LRBA: variants seen among roughly 807,000 people sequenced by gnomAD.
The protein encoded by LRBA is LPS responsive beige-like anchor protein.
LRBA carries 176 observed loss-of-function variants against 330.0 expected under a neutral mutation model. The ratio of observed to expected loss-of-function variants is 0.53; its 90% CI spans 0.47 to 0.60. The LOEUF (loss-of-function observed/expected upper bound fraction) is 0.60, where lower values mean the gene tolerates loss of function less well. LRBA is among the 20% of genes least tolerant of loss of function. LRBA has a pLI of 0.00. For synonymous variants in LRBA, 1,230 were observed against 1,193.0 expected (o/e 1.03, Z -0.64); for missense variants, 3,259 against 3,444.8 (o/e 0.95, Z 1.35).
chr4:150,872,600 G>T (rs1278410475), intron 18 of LRBA, 63 bp downstream of exon 18: 14 of 1,119,742 alleles, frequency 1.3e-5, no homozygotes, highest in African/African-American at 1.6e-5. Context: ...AATTACTACT[G>T]CAAAGATTTA....
At chr4:150,730,420 T>A (rs889240773) in intron 36 of LRBA, among the ~76,000 whole-genome samples, 3 of 152,114 alleles carry the variant, frequency 2.0e-5, no homozygotes, top group African/African-American at 7.2e-5. Context: ...CAGTGGCTCA[T>A]GTCTGTAATG....
At chr4:150,502,591 T>C (rs147860443) in intron 40 of LRBA, among the ~76,000 whole-genome samples, 1,578 of 152,196 alleles carry the variant, frequency 0.01, 22 homozygotes, top group African/African-American at 0.036. Flanking sequence ...GATGGCCAAA[T>C]AGGAACAGCT....
At chr4:150,676,817 T>C (rs1265833241) in intron 37 of LRBA, among the ~76,000 whole-genome samples, 2 of 152,118 alleles carry the variant, frequency 1.3e-5, no homozygotes, top group Non-Finnish European at 2.9e-5. Context: ...AACTACAACT[T>C]CTAGTTATCT....
At chr4:150,290,339 T>G (rs1336210425) in intron 53 of LRBA, among the ~76,000 whole-genome samples, 1 of 152,140 alleles carries the variant, frequency 6.6e-6, no homozygotes, top group Non-Finnish European at 1.5e-5. Flanking sequence ...CTGAAAAATA[T>G]CAAGTTAATT....
intron 37 of LRBA, among the ~76,000 whole-genome samples, chr4:150,636,574 G>C (rs545734127): frequency 1.3e-5 from 2 of 152,278 alleles, no homozygotes; most frequent in East Asian, 3.9e-4. Flanking sequence ...CAAGGCTTTA[G>C]GTGCATTCAT....
At chr4:150,976,638 C>T (rs1740211317) in intron 2 of LRBA, among the ~76,000 whole-genome samples, 1 of 152,098 alleles carries the variant, frequency 6.6e-6, no homozygotes, top group African/African-American at 2.4e-5. Context: ...ACAGAAACAA[C>T]AAATTTAACA....
At chr4:150,669,578 C>CT (rs567640392) in intron 37 of LRBA, among the ~76,000 whole-genome samples, 73 of 146,420 alleles carry the variant, frequency 5.0e-4, no homozygotes, top group Admixed American at 6.2e-4. Context: ...AATATTTTCT[C>CT]TTTTTTTTTT....
At chr4:150,345,966 C>A (rs1561044888) in intron 48 of LRBA, among the ~76,000 whole-genome samples, 2 of 152,064 alleles carry the variant, frequency 1.3e-5, no homozygotes, top group Non-Finnish European at 2.9e-5. Flanking sequence ...CACCACCACA[C>A]CCAAACAATT....
intron 53 of LRBA, among the ~76,000 whole-genome samples, chr4:150,292,440 A>G (rs1728438254): frequency 2.6e-5 from 4 of 152,254 alleles, no homozygotes. Flanking sequence ...TGTTGTTATT[A>G]GCAGAGTGAA....
At position 150,761,851 on chromosome 4, in the gene LRBA, T is replaced by TAAA; in HGVS notation, c.5581-7_5581-5dup. On this transcript the variant is annotated splice_region_variant and splice_polypyrimidine_tract_variant and intron_variant, in intron 34 of 56. Transcript: ENST00000651943. ...TCTGAATAGAATTTTGCCACTCCTA[T>TAAA]AAAAAAAAAAGCAAAAATAGCTGAA... 2.3e-6 allele frequency: 3 copies of TAAA among 1,305,866 alleles called. No homozygotes were observed. Among genetic ancestry groups the TAAA allele is most frequent in the Non-Finnish European group, 3.1e-6 (3 of 978,412 alleles). 80.9% of individuals were successfully genotyped at this position (1,305,866 alleles called of 1,614,324 possible). A position where few individuals can be genotyped will look rare whatever the true frequency, so the allele number is the denominator to read the frequency against.
Position 150,493,954 on chromosome 4 carries a change from T to C in LRBA, c.6331-2919A>G, listed in dbSNP as rs1581481342. 2.0e-5 allele frequency among the ~76,000 whole-genome samples: 3 copies of C among 152,170 alleles called. No individual in the cohort carries two copies. The South Asian group carries it at 6.2e-4, about 32-fold the overall frequency. On this transcript the variant is annotated intron_variant, in intron 40 of 56. Transcript: ENST00000651943. ...AAATAATTAGTTGGGCGTGGTAGCA[T>C]GCACCTATAGCCCTAGCTACTCATG...
chr4:150,805,298 G>C (rs1490612958), intron 33 of LRBA, among the ~76,000 whole-genome samples: 1 of 97,878 alleles, frequency 1.0e-5, no homozygotes, highest in East Asian at 2.7e-4. Flanking sequence ...GGAAAGGAAA[G>C]GAAAGGAAAG....
chr4:150,502,774 G>A (rs1055783565), intron 40 of LRBA, among the ~76,000 whole-genome samples: 10 of 152,342 alleles, frequency 6.6e-5, no homozygotes, highest in Middle Eastern at 3.4e-3. Flanking sequence ...CCCGAGAAGC[G>A]CAAGGGGTCA....
chr4:150,640,415 G>C (rs1246639432), intron 37 of LRBA, among the ~76,000 whole-genome samples: 1 of 151,918 alleles, frequency 6.6e-6, no homozygotes, highest in Non-Finnish European at 1.5e-5. Flanking sequence ...TCGTACTTAT[G>C]GAACAATGAA....
intron 53 of LRBA, among the ~76,000 whole-genome samples, chr4:150,290,668 C>T (rs1162141421): frequency 6.6e-6 from 1 of 152,110 alleles, no homozygotes; most frequent in African/African-American, 2.4e-5. Flanking sequence ...CCAGAGAGCA[C>T]GTTTATGACT....
At chr4:150,769,005 T>C (rs1736175694) in intron 34 of LRBA, among the ~76,000 whole-genome samples, 1 of 137,706 alleles carries the variant, frequency 7.3e-6, no homozygotes, top group Non-Finnish European at 1.5e-5. Context: ...TGGCGCAATC[T>C]CGGCTCACTG....
intron 4 of LRBA, among the ~76,000 whole-genome samples, chr4:150,923,366 C>T (rs1386008339): frequency 3.3e-5 from 5 of 151,990 alleles, no homozygotes; most frequent in Non-Finnish European, 5.9e-5. Flanking sequence ...AAAGCTATTC[C>T]TTATGCTTAA....
intron 2 of LRBA, among the ~76,000 whole-genome samples, chr4:151,012,268 G>A (rs1341671376): frequency 6.6e-6 from 1 of 152,162 alleles, no homozygotes; most frequent in African/African-American, 2.4e-5. Context: ...AGCAAATGCT[G>A]CTATAGAATT....
In LRBA at chr4:150,693,306, G is replaced by C. The variant is rs192311276; in HGVS notation, c.5755-9589C>G. On this transcript the variant is annotated intron_variant, in intron 36 of 56. Coordinates refer to ENST00000651943, the MANE Select transcript of LRBA (RefSeq NM_001364905.1). ...GGGCCGGGCGCGGTGGCTCACGCCT[G>C]TAATCCCAGCACTTTGGGAGGCCGA... Among the ~76,000 whole-genome samples the C allele has an allele frequency of 7.9e-3, 1,199 of 152,220 alleles. 7 individuals are homozygous for C. The highest frequency in any genetic ancestry group is 0.017 in the Middle Eastern group (5 of 294).
Sources: gnomAD v4.1 joint callset for allele counts (sites outside exome capture counted in the v4.1 genomes callset) on GRCh38, gnomAD v4.1.1 for gene constraint, MANE v1.5 for transcripts, NCBI Gene and HGNC (gene_info 2026-07-23, HGNC 2026-07-21) for gene names.